Variants in NTNG1 observed in about 807,000 individuals in gnomAD.
NTNG1 encodes netrin-G1.
A neutral mutation model predicts 54.0 loss-of-function variants in NTNG1; 16 were observed. The observed-to-expected ratio is 0.30, with a 90% CI of 0.20 to 0.45. The LOEUF is 0.45. Among genes scored for constraint, NTNG1 ranks in the 20% least tolerant of loss-of-function variants. The probability of loss-of-function intolerance (pLI) is 1.00; values close to 1 mark genes in which losing one functional copy is unlikely to be tolerated. For missense variants in NTNG1, 530 were observed against 678.7 expected (o/e 0.78, Z 2.43); for synonymous variants, 255 against 263.1 (o/e 0.97, Z 0.30).
intron 3 of NTNG1, among the ~76,000 whole-genome samples, chr1:107,392,190 T>C (rs906220620): frequency 6.6e-6 from 1 of 152,092 alleles, no homozygotes; most frequent in Non-Finnish European, 1.5e-5. Flanking sequence ...AGCATTTTGA[T>C]TAGATATTCT....
At chr1:107,193,053 G>A (rs1423940443) in intron 2 of NTNG1, among the ~76,000 whole-genome samples, 1 of 152,028 alleles carries the variant, frequency 6.6e-6, no homozygotes, top group Non-Finnish European at 1.5e-5. Context: ...TGAAATAAAT[G>A]CCCTTGAACA....
chr1:107,437,874 C>A (rs1675704500), intron 7 of NTNG1, among the ~76,000 whole-genome samples: 1 of 152,040 alleles, frequency 6.6e-6, no homozygotes. Flanking sequence ...GGCTTAATAG[C>A]CACATGTGTC....
rs1678876016 is a variant in NTNG1, at chr1:107,483,871, A to T, written c.*3031A>T. Among the ~76,000 whole-genome samples, 1 of 152,174 alleles carries T rather than the reference A, an allele frequency of 6.6e-6. No individual in the cohort carries two copies. ...TTTGCTATTTATAGGAAGATAATGG[A>T]CATGCCCTGCTGTGATTTGAGGGTT... On this transcript the variant is annotated 3_prime_UTR_variant, in exon 8 of 8. Coordinates refer to ENST00000370068, the MANE Select transcript of NTNG1 (RefSeq NM_001113226.3).
intron 3 of NTNG1, among the ~76,000 whole-genome samples, chr1:107,366,870 C>G (rs1434532632): frequency 6.6e-6 from 1 of 152,170 alleles, no homozygotes; most frequent in Admixed American, 6.5e-5. Context: ...CTTTAAATTT[C>G]TGGTCATTTA....
At chr1:107,466,581 G>C (rs143812641) in intron 7 of NTNG1, among the ~76,000 whole-genome samples, 1 of 152,172 alleles carries the variant, frequency 6.6e-6, no homozygotes, top group Non-Finnish European at 1.5e-5. Flanking sequence ...TTTAAAGCAC[G>C]TCATGTGATT....
At chr1:107,304,291 A>G (rs1325859018) in intron 2 of NTNG1, among the ~76,000 whole-genome samples, 1 of 149,844 alleles carries the variant, frequency 6.7e-6, no homozygotes, top group African/African-American at 2.5e-5. Context: ...TTAAATTTTT[A>G]TTTCTCTTCT....
intron 2 of NTNG1, among the ~76,000 whole-genome samples, chr1:107,220,902 T>C (rs911419867): frequency 9.9e-5 from 15 of 152,180 alleles, no homozygotes; most frequent in Admixed American, 9.8e-4. Flanking sequence ...CAATTTATGT[T>C]ACCATTTTGA....
chr1:107,289,964 A>G (rs4253942), intron 2 of NTNG1, among the ~76,000 whole-genome samples: 54,476 of 152,060 alleles, frequency 0.36, 10,461 homozygotes, highest in East Asian at 0.49. Context: ...ATATTTTCAA[A>G]TATGTTTCCA....
chr1:107,186,860 T>C (rs1425862339), intron 2 of NTNG1, among the ~76,000 whole-genome samples: 2 of 152,192 alleles, frequency 1.3e-5, no homozygotes, highest in South Asian at 4.1e-4. Context: ...CTAGACATTC[T>C]ACCTGGATTA....
chr1:107,266,727 A>G (rs939705481), intron 2 of NTNG1, among the ~76,000 whole-genome samples: 1 of 151,530 alleles, frequency 6.6e-6, no homozygotes, highest in African/African-American at 2.4e-5. Flanking sequence ...GAGAATAGCC[A>G]CCAAGAAGAA....
intron 3 of NTNG1, among the ~76,000 whole-genome samples, chr1:107,353,054 C>T (rs1460738618): frequency 6.6e-6 from 1 of 152,208 alleles, no homozygotes; most frequent in East Asian, 1.9e-4. Flanking sequence ...TCTGAAATGC[C>T]TTCAAGGCTG....
At chr1:107,355,038 C>G (rs1669854387) in intron 3 of NTNG1, among the ~76,000 whole-genome samples, 1 of 152,120 alleles carries the variant, frequency 6.6e-6, no homozygotes, top group African/African-American at 2.4e-5. Context: ...CTACATGAAA[C>G]TCTTATCATT....
chr1:107,420,420 T>G (rs369161006), intron 5 of NTNG1, among the ~76,000 whole-genome samples: 150 of 152,226 alleles, frequency 9.9e-4, no homozygotes, highest in African/African-American at 3.6e-3. Context: ...CATCAGGCTC[T>G]GTTCTGTTTT....
chr1:107,477,383 A>G (rs1678398820), intron 7 of NTNG1, among the ~76,000 whole-genome samples: 1 of 152,216 alleles, frequency 6.6e-6, no homozygotes, highest in African/African-American at 2.4e-5. Context: ...AAACAGAGTC[A>G]AGGAAACAGG....
chr1:107,246,892 T>C (rs975054796), intron 2 of NTNG1, among the ~76,000 whole-genome samples: 2 of 152,162 alleles, frequency 1.3e-5, no homozygotes, highest in Admixed American at 6.5e-5. Context: ...CATCGTACGC[T>C]TCCTTTCTTG....
chr1:107,280,571 T>C lies in NTNG1; in HGVS notation c.247-43711T>C, dbSNP rs1389809704. The stretch of plus-strand genomic sequence containing the variant: ...CATGATTTTTGGTTATCCATTCTTA[T>C]ATAAGAGTCAAGGTTTGGGAAGTTG... On this transcript the variant is annotated intron_variant, in intron 2 of 7. Coordinates refer to ENST00000370068, the MANE Select transcript of NTNG1 (RefSeq NM_001113226.3). Among the ~76,000 whole-genome samples, 3 of 151,616 alleles carry C rather than the reference T, an allele frequency of 2.0e-5. No individual in the cohort carries two copies. The East Asian group carries it at 5.8e-4, about 29-fold the overall frequency.
At chr1:107,259,696 A>G (rs1304024565) in intron 2 of NTNG1, among the ~76,000 whole-genome samples, 6 of 152,100 alleles carry the variant, frequency 3.9e-5, no homozygotes, top group Non-Finnish European at 8.8e-5. Context: ...CGCAAGATAA[A>G]ATCTCCATCT....
chr1:107,199,728 G>A (rs1009651076), intron 2 of NTNG1, among the ~76,000 whole-genome samples: 2 of 151,760 alleles, frequency 1.3e-5, no homozygotes, highest in Non-Finnish European at 2.9e-5. Context: ...CTCCTCTCGC[G>A]TAGATACTTC....
At chr1:107,304,390 C>T (rs1666532193) in intron 2 of NTNG1, among the ~76,000 whole-genome samples, 1 of 152,098 alleles carries the variant, frequency 6.6e-6, no homozygotes, top group African/African-American at 2.4e-5. Context: ...TCAGTTGTAA[C>T]TGAATTTGGT....
Sources: gnomAD v4.1 joint callset for allele counts (sites outside exome capture counted in the v4.1 genomes callset) on GRCh38, gnomAD v4.1.1 for gene constraint, MANE v1.5 for transcripts, NCBI Gene and HGNC (gene_info 2026-07-23, HGNC 2026-07-21) for gene names.